The following MON2 variants were observed in gnomAD, a reference collection of about 807,000 sequenced individuals.
MON2 encodes MON2 regulator of endosome-to-Golgi trafficking.
MON2 carries 84 observed loss-of-function variants against 208.6 expected under a neutral mutation model. That is an observed-to-expected ratio of 0.40 (90% CI 0.34 to 0.48). The LOEUF is 0.48. Ranked by LOEUF, MON2 falls within the 20% of genes least tolerant of loss-of-function variation. MON2 has a pLI of 0.59. For missense variants in MON2, 1,611 were observed against 2,015.4 expected (o/e 0.80, Z 3.84); for synonymous variants, 660 against 694.0 (o/e 0.95, Z 0.77).
chr12:62,512,118 G>A (rs1253236976), intron 8 of MON2, among the ~76,000 whole-genome samples: 1 of 152,130 alleles, frequency 6.6e-6, no homozygotes, highest in Non-Finnish European at 1.5e-5. Context: ...AATTCAAGAT[G>A]AGATTTGGGT....
chr12:62,547,125 A>G, intron 22 of MON2, 53 bp downstream of exon 22: 2 of 1,140,794 alleles, frequency 1.8e-6, no homozygotes, highest in Non-Finnish European at 2.3e-6. Context: ...TAAAATATAA[A>G]TAAAATAAAA....
At chr12:62,591,545 T>G (rs180898857) in intron 34 of MON2, among the ~76,000 whole-genome samples, 12 of 152,360 alleles carry the variant, frequency 7.9e-5, no homozygotes, top group Admixed American at 6.5e-4. Flanking sequence ...TAAATTGATA[T>G]GAAGAATTAG....
intron 1 of MON2, chr12:62,482,338 C>T (rs2069495525): frequency 6.6e-6 from 1 of 152,256 alleles, no homozygotes; most frequent in Admixed American, 6.5e-5. Flanking sequence ...GTCTACTGCA[C>T]ATGGTATATC....
intron 7 of MON2, among the ~76,000 whole-genome samples, chr12:62,502,189 C>T (rs11174515): frequency 0.082 from 12,420 of 152,092 alleles, 734 homozygotes; most frequent in Non-Finnish European, 0.12. Flanking sequence ...CACTTCACTC[C>T]AGCCTAGGCG....
chr12:62,501,471 T>C (rs2070828686), intron 6 of MON2, 102 bp from the exon 7 acceptor site: 27 of 1,362,506 alleles, frequency 2.0e-5, no homozygotes, highest in Non-Finnish European at 2.6e-5. Context: ...CAAAAACATG[T>C]ATTATATAAG....
chr12:62,511,723 T>C (rs931529052), intron 8 of MON2, among the ~76,000 whole-genome samples: 3 of 152,212 alleles, frequency 2.0e-5, no homozygotes, highest in African/African-American at 7.2e-5. Flanking sequence ...CTGACTGTGA[T>C]ACTAAAAGCA....
intron 19 of MON2, among the ~76,000 whole-genome samples, chr12:62,540,577 C>T (rs1160157322): frequency 6.6e-6 from 1 of 152,058 alleles, no homozygotes; most frequent in African/African-American, 2.4e-5. Flanking sequence ...TTTTAACTTT[C>T]AGTAGTGCAA....
intron 25 of MON2, among the ~76,000 whole-genome samples, chr12:62,559,035 G>A (rs1187509312): frequency 6.6e-6 from 1 of 152,120 alleles, no homozygotes; most frequent in Non-Finnish European, 1.5e-5. Flanking sequence ...GGGGAAAGAT[G>A]CATATAACTA....
intron 33 of MON2, among the ~76,000 whole-genome samples, chr12:62,587,363 T>C (rs1269004159): frequency 1.4e-5 from 2 of 147,624 alleles, no homozygotes; most frequent in African/African-American, 2.5e-5. Context: ...CAAATCTCTT[T>C]TAGTACTAAT....
intron 21 of MON2, among the ~76,000 whole-genome samples, chr12:62,546,592 A>G (rs150038352): frequency 4.6e-5 from 7 of 152,076 alleles, no homozygotes; most frequent in Admixed American, 2.0e-4. Context: ...CATCTCTACT[A>G]AAAATACAAA....
At chr12:62,557,029 A>C (rs114961654) in intron 25 of MON2, among the ~76,000 whole-genome samples, 1 of 152,084 alleles carries the variant, frequency 6.6e-6, no homozygotes, top group African/African-American at 2.4e-5. Context: ...AGGTTGCTGC[A>C]GTTAGCCAAG....
chr12:62,526,844 T>C (rs901649978), intron 11 of MON2, among the ~76,000 whole-genome samples: 1 of 152,116 alleles, frequency 6.6e-6, no homozygotes, highest in Admixed American at 6.6e-5. Context: ...AAACTATCCT[T>C]GGCCAGGTAC....
In MON2 at chr12:62,532,329, G is replaced by T. The variant is rs902312541; in HGVS notation, c.1401-109G>T. 5.0e-5 allele frequency: 39 copies of T among 780,318 alleles called. No homozygotes were observed. In the Middle Eastern group the frequency reaches 2.0e-3, roughly 40 times the overall value. 48.3% of individuals were successfully genotyped at this position (780,318 alleles called of 1,614,324 possible). On this transcript the variant is annotated intron_variant, in intron 11 of 34. Transcript: ENST00000393630. Reference sequence around the variant, plus strand: ...ATTTGGTAATGTCCCTTTATTTTTTGCTATTCTGTTAATCTTAATTTCTAT... The same window carrying T: ...ATTTGGTAATGTCCCTTTATTTTTTTCTATTCTGTTAATCTTAATTTCTAT...
Position 62,467,130 on chromosome 12 carries a change from C to A in MON2, c.-78C>A. Reference sequence around the variant, plus strand: ...AAGGACCAGAGACACCGGGAGGGAGCTGCCTGTGGCCCTAAGGAGCTGACC... The same window carrying A: ...AAGGACCAGAGACACCGGGAGGGAGATGCCTGTGGCCCTAAGGAGCTGACC... On this transcript the variant is annotated 5_prime_UTR_variant, in exon 1 of 35. In the 5' UTR this introduces an upstream ATG that the reference lacks. Coordinates refer to ENST00000393630, the MANE Select transcript of MON2 (RefSeq NM_015026.3). 8.5e-7 allele frequency: 1 copy of A among 1,178,040 alleles called. No homozygotes were observed. The highest frequency in any genetic ancestry group is 1.2e-6 in the Non-Finnish European group (1 of 812,220). 73.0% of individuals were successfully genotyped at this position (1,178,040 alleles called of 1,614,324 possible). A position where few individuals can be genotyped will look rare whatever the true frequency, so the allele number is the denominator to read the frequency against.
intron 1 of MON2, among the ~76,000 whole-genome samples, chr12:62,478,842 G>C (rs1044080764): frequency 1.3e-5 from 2 of 152,140 alleles, no homozygotes; most frequent in Non-Finnish European, 2.9e-5. Context: ...TTGATAATGA[G>C]TGTTGAACTA....
At chr12:62,532,738 C>G in intron 12 of MON2, 68 bp downstream of exon 12, 6 of 1,152,938 alleles carry the variant, frequency 5.2e-6, no homozygotes, top group Non-Finnish European at 3.8e-6. Context: ...AAATTGTAGT[C>G]TTTATAAATC....
At chr12:62,472,732 G>A (rs2068856736) in intron 1 of MON2, among the ~76,000 whole-genome samples, 1 of 152,148 alleles carries the variant, frequency 6.6e-6, no homozygotes, top group African/African-American at 2.4e-5. Context: ...TCATTTGCAC[G>A]ACCTTATGAC....
At chr12:62,470,729 T>C (rs1256469544) in intron 1 of MON2, 16 of 1,168,012 alleles carry the variant, frequency 1.4e-5, no homozygotes, top group Non-Finnish European at 1.7e-5. Flanking sequence ...TAACTGAGCC[T>C]GGAAGTTGGA....
chr12:62,501,624 A>G lies in MON2; in HGVS notation c.715A>G (p.Thr239Ala). Residue 239 changes from threonine (T) to alanine (A), a missense_variant, in exon 7 of 35, where the codon ACA (threonine) becomes GCA (alanine). Transcript: ENST00000393630. ...TGCTCCTTATTGGCTAGTGGGCATG[A>G]CAGAAATGACTCGGACGTTTGGCCT... ...ADAPYWLVGM[T>A]EMTRTFGLEL... is the part of the protein sequence containing the mutation. 1 of 1,614,160 alleles carries G rather than the reference A, an allele frequency of 6.2e-7. No homozygotes were observed.
Sources: gnomAD v4.1 joint callset for allele counts (sites outside exome capture counted in the v4.1 genomes callset) on GRCh38, gnomAD v4.1.1 for gene constraint, MANE v1.5 for transcripts, NCBI Gene and HGNC (gene_info 2026-07-23, HGNC 2026-07-21) for gene names.